WASL: variants seen among roughly 807,000 people sequenced by gnomAD.
The protein encoded by WASL is WASP like actin nucleation promoting factor.
WASL carries 20 observed loss-of-function variants against 55.5 expected under a neutral mutation model. The ratio of observed to expected loss-of-function variants is 0.36; its 90% confidence interval spans 0.25 to 0.52. The LOEUF (loss-of-function observed/expected upper bound fraction) is 0.52. Among genes scored for constraint, WASL ranks in the 20% least tolerant of loss-of-function variants. The pLI is 0.92. For synonymous variants in WASL, 249 were observed against 217.6 expected (o/e 1.14, Z -1.27); for missense variants, 504 against 622.5 (o/e 0.81, Z 2.03).
At chr7:123,735,609 A>G (rs930648844) in intron 1 of WASL, among the ~76,000 whole-genome samples, 10 of 152,160 alleles carry the variant, frequency 6.6e-5, no homozygotes, top group African/African-American at 2.4e-4. Context: ...CACGCAAATC[A>G]AACTTCTAGA....
chr7:123,723,682 G>A (rs1470966237), intron 1 of WASL, among the ~76,000 whole-genome samples: 4 of 152,178 alleles, frequency 2.6e-5, no homozygotes, highest in Non-Finnish European at 5.9e-5. Flanking sequence ...TGGGACCCAG[G>A]ACTGATGGGT....
chr7:123,691,108 T>C (rs184669580), intron 9 of WASL, among the ~76,000 whole-genome samples: 10 of 152,360 alleles, frequency 6.6e-5, no homozygotes, highest in African/African-American at 2.2e-4. Context: ...ATGTTTTCAT[T>C]CAATTAGTTG....
Position 123,692,563 on chromosome 7 carries a change from A to T in WASL, c.1131T>A (p.Pro377=), listed in dbSNP as rs1489863953. The T allele has an allele frequency of 1.2e-6, 2 of 1,612,364 alleles. No individual in the cohort carries two copies. Among genetic ancestry groups the T allele is most frequent in the South Asian group, 1.1e-5 (1 of 91,036 alleles). The change falls in exon 9 of 11, where the codon CCT becomes CCA. Residue 377 remains proline (P), a synonymous_variant. Transcript: ENST00000223023. ...GTGGCCCAGGAGGAGGTGGAGGTGG[A>T]GGCGGTGGGGGTGGTGCCACTGGCC... ...GVGPVAPPPP[P]PPPPPPGPPP... is the part of the protein sequence containing the mutation.
intron 1 of WASL, among the ~76,000 whole-genome samples, chr7:123,742,913 T>C (rs1303919195): frequency 6.6e-6 from 1 of 152,228 alleles, no homozygotes; most frequent in Non-Finnish European, 1.5e-5. Context: ...GAGTTAACAT[T>C]AGGCCTGTTC....
chr7:123,701,941 C>G (rs1803597255), intron 5 of WASL, among the ~76,000 whole-genome samples: 1 of 75,038 alleles, frequency 1.3e-5, no homozygotes, highest in African/African-American at 5.9e-5. Context: ...TTTAACAACA[C>G]TATTAAAAAA....
intron 1 of WASL, among the ~76,000 whole-genome samples, chr7:123,744,900 T>C (rs1804406360): frequency 6.6e-6 from 1 of 151,960 alleles, no homozygotes; most frequent in African/African-American, 2.4e-5. Flanking sequence ...GCATCAGAAC[T>C]ATTTATGTAA....
chr7:123,717,819 T>C (rs1803870776), intron 1 of WASL, among the ~76,000 whole-genome samples: 1 of 152,202 alleles, frequency 6.6e-6, no homozygotes, highest in South Asian at 2.1e-4. Context: ...TATTTAATAC[T>C]TTACGCTTCC....
intron 1 of WASL, among the ~76,000 whole-genome samples, chr7:123,710,165 G>A (rs1264527691): frequency 6.6e-6 from 1 of 151,936 alleles, no homozygotes; most frequent in Admixed American, 6.6e-5. Context: ...CACTTACACT[G>A]ATAAAGCACT....
intron 1 of WASL, among the ~76,000 whole-genome samples, chr7:123,745,541 G>A (rs1226737776): frequency 6.6e-6 from 1 of 152,094 alleles, no homozygotes; most frequent in Non-Finnish European, 1.5e-5. Flanking sequence ...AATCTATTAA[G>A]ATTTCCAATG....
chr7:123,704,930 A>C (rs1395570399), intron 4 of WASL, among the ~76,000 whole-genome samples: 1 of 152,220 alleles, frequency 6.6e-6, no homozygotes, highest in African/African-American at 2.4e-5. Context: ...CAAGAAGGAA[A>C]GTCAGGGACT....
intron 1 of WASL, among the ~76,000 whole-genome samples, chr7:123,716,503 C>T (rs913612007): frequency 2.0e-5 from 3 of 152,064 alleles, no homozygotes; most frequent in African/African-American, 4.8e-5. Flanking sequence ...TTGCCTCACC[C>T]TCCCAAAGTG....
At chr7:123,730,762 C>T (rs1007113357) in intron 1 of WASL, among the ~76,000 whole-genome samples, 6 of 152,020 alleles carry the variant, frequency 3.9e-5, no homozygotes, top group South Asian at 4.1e-4. Flanking sequence ...AATAACAACC[C>T]GACTCTATAT....
chr7:123,731,600 A>G (rs527328141), intron 1 of WASL, among the ~76,000 whole-genome samples: 88 of 152,232 alleles, frequency 5.8e-4, no homozygotes, highest in Non-Finnish European at 9.1e-4. Flanking sequence ...GAAATCACAC[A>G]AAGTATGCTC....
At chr7:123,718,020 AAAG>A (rs1174136044) in intron 1 of WASL, among the ~76,000 whole-genome samples, 4 of 152,356 alleles carry the variant, frequency 2.6e-5, no homozygotes, top group South Asian at 2.1e-4. Context: ...ACTGTCATGT[AAAG>A]AAGTGATGAA....
intron 5 of WASL, among the ~76,000 whole-genome samples, chr7:123,701,869 ATAT>A (rs1404888212): frequency 2.0e-5 from 3 of 151,900 alleles, no homozygotes; most frequent in African/African-American, 7.2e-5. Context: ...TATTAATTCC[ATAT>A]TATATGTATA....
chr7:123,713,821 C>T (rs1464113901), intron 1 of WASL, among the ~76,000 whole-genome samples: 1 of 152,168 alleles, frequency 6.6e-6, no homozygotes, highest in African/African-American at 2.4e-5. Context: ...TAAATACAGT[C>T]AGGACTCCAT....
intron 1 of WASL, among the ~76,000 whole-genome samples, chr7:123,728,949 A>T (rs564145434): frequency 6.6e-6 from 1 of 152,206 alleles, no homozygotes; most frequent in African/African-American, 2.4e-5. Context: ...GAGTAAGTAC[A>T]TACATGTGTA....
chr7:123,740,041 A>C (rs1804309575), intron 1 of WASL, among the ~76,000 whole-genome samples: 1 of 152,086 alleles, frequency 6.6e-6, no homozygotes, highest in African/African-American at 2.4e-5. Flanking sequence ...CTCATATTCC[A>C]AGATACTGGG....
intron 1 of WASL, among the ~76,000 whole-genome samples, chr7:123,713,354 T>C (rs1273232393): frequency 1.3e-5 from 2 of 152,076 alleles, no homozygotes; most frequent in Non-Finnish European, 2.9e-5. Flanking sequence ...AGTCTAACTA[T>C]GTTACGCAGG....
Sources: gnomAD v4.1 joint callset for allele counts (sites outside exome capture counted in the v4.1 genomes callset) on GRCh38, gnomAD v4.1.1 for gene constraint, MANE v1.5 for transcripts, NCBI Gene and HGNC (gene_info 2026-07-23, HGNC 2026-07-21) for gene names.